CDKAL1: variants seen among roughly 807,000 people sequenced by gnomAD.
CDKAL1 encodes CDKAL1 threonylcarbamoyladenosine tRNA methylthiotransferase.
A neutral mutation model predicts 68.2 loss-of-function variants in CDKAL1; 32 were observed. The observed-to-expected ratio is 0.47, with a 90% CI of 0.35 to 0.63. CDKAL1 has a LOEUF of 0.63. Ranked by LOEUF, CDKAL1 falls within the 30% of genes least tolerant of loss-of-function variation. CDKAL1 has a pLI of 0.00. For missense variants in CDKAL1, 606 were observed against 696.7 expected (o/e 0.87, Z 1.47); for synonymous variants, 234 against 244.3 (o/e 0.96, Z 0.39).
intron 5 of CDKAL1, among the ~76,000 whole-genome samples, chr6:20,676,583 T>C (rs1770112474): frequency 6.6e-6 from 1 of 151,770 alleles, no homozygotes. Flanking sequence ...AGGAGAATGG[T>C]ATGAACCCGG....
intron 9 of CDKAL1, among the ~76,000 whole-genome samples, chr6:20,901,559 T>C (rs1274006987): frequency 6.6e-6 from 1 of 150,518 alleles, no homozygotes; most frequent in Non-Finnish European, 1.5e-5. Context: ...CGGGTGCCTG[T>C]AGTCCCAGCT....
At chr6:21,096,704 AAAT>A (rs1773336598) in intron 12 of CDKAL1, among the ~76,000 whole-genome samples, 4 of 151,854 alleles carry the variant, frequency 2.6e-5, no homozygotes, top group African/African-American at 9.7e-5. Context: ...GGTAAAAAAT[AAAT>A]AAATAAATAA....
intron 9 of CDKAL1, among the ~76,000 whole-genome samples, chr6:20,861,995 A>G (rs1039008782): frequency 2.0e-5 from 3 of 152,176 alleles, no homozygotes; most frequent in African/African-American, 7.2e-5. Context: ...TATTTTTTGT[A>G]TGATGTGTTA....
rs1245188733 is a variant in CDKAL1 at position 20,810,398 on chromosome 6, A to T, written c.638+29133A>T. Among the ~76,000 whole-genome samples, 72 of 6,236 alleles carry T rather than the reference A, an allele frequency of 0.012. No individual in the cohort carries two copies. In the East Asian group the frequency reaches 0.22, roughly 19 times the overall value. The allele number at this position is 6,236 out of a possible 152,430, so 4.1% of individuals were successfully genotyped here. ...CTCTCTCTCTCTCTCTCTGTCACAC[A>T]CACACACACACACACACACACACAC... is the stretch of plus-strand genomic sequence containing the variant. On this transcript the variant is annotated intron_variant, in intron 8 of 15. Transcript: ENST00000274695.
chr6:20,743,828 T>A (rs1367118309), intron 6 of CDKAL1, among the ~76,000 whole-genome samples: 4 of 152,184 alleles, frequency 2.6e-5, no homozygotes, highest in Non-Finnish European at 4.4e-5. Context: ...TGCACAAACC[T>A]GTCTAATTTC....
intron 6 of CDKAL1, among the ~76,000 whole-genome samples, chr6:20,757,346 A>G (rs1231731493): frequency 1.3e-5 from 2 of 152,172 alleles, no homozygotes; most frequent in African/African-American, 4.8e-5. Context: ...CAATAGAGGT[A>G]TGGATGCATG....
intron 9 of CDKAL1, among the ~76,000 whole-genome samples, chr6:20,946,345 G>A (rs910777209): frequency 6.6e-6 from 1 of 152,108 alleles, no homozygotes; most frequent in African/African-American, 2.4e-5. Context: ...CCTTTAGATA[G>A]CAAATCTGCA....
intron 13 of CDKAL1, among the ~76,000 whole-genome samples, chr6:21,144,478 C>T (rs1430858135): frequency 6.6e-6 from 1 of 151,982 alleles, no homozygotes; most frequent in African/African-American, 2.4e-5. Context: ...ACTGAATCAC[C>T]TGTTGGTCCT....
chr6:21,212,363 C>G (rs1779186251), intron 15 of CDKAL1, among the ~76,000 whole-genome samples: 1 of 152,180 alleles, frequency 6.6e-6, no homozygotes, highest in Non-Finnish European at 1.5e-5. Flanking sequence ...AGCCACTCAA[C>G]CTACTCTTTG....
intron 11 of CDKAL1, among the ~76,000 whole-genome samples, chr6:21,026,715 G>A (rs1233099600): frequency 1.3e-5 from 2 of 152,158 alleles, no homozygotes; most frequent in Admixed American, 1.3e-4. Context: ...GTGTAATGGA[G>A]ACTGCTTGTG....
chr6:21,190,959 A>G (rs1778212169), intron 13 of CDKAL1, among the ~76,000 whole-genome samples: 1 of 152,170 alleles, frequency 6.6e-6, no homozygotes, highest in Admixed American at 6.5e-5. Flanking sequence ...AAGTAAGAAG[A>G]AAAAAAAGTT....
chr6:21,193,856 T>G (rs1322293142), intron 13 of CDKAL1, among the ~76,000 whole-genome samples: 1 of 152,222 alleles, frequency 6.6e-6, no homozygotes, highest in Non-Finnish European at 1.5e-5. Context: ...TGCTGAACAA[T>G]TACATTGTGC....
At chr6:20,835,887 A>C (rs529143605) in intron 8 of CDKAL1, among the ~76,000 whole-genome samples, 1 of 152,176 alleles carries the variant, frequency 6.6e-6, no homozygotes, top group Admixed American at 6.5e-5. Context: ...ATATCTGAAA[A>C]ATGGAGCTTC....
At chr6:21,031,474 A>G (rs1201068828) in intron 11 of CDKAL1, among the ~76,000 whole-genome samples, 1 of 151,778 alleles carries the variant, frequency 6.6e-6, no homozygotes, top group African/African-American at 2.4e-5. Context: ...CAACACCTAC[A>G]TTCGGGTTTG....
intron 11 of CDKAL1, among the ~76,000 whole-genome samples, chr6:21,031,741 C>A (rs565359695): frequency 2.0e-5 from 3 of 152,040 alleles, no homozygotes; most frequent in Non-Finnish European, 4.4e-5. Context: ...CCCTTTACTT[C>A]GTGTGCTTTT....
chr6:21,002,345 A>T (rs571431656), intron 11 of CDKAL1, among the ~76,000 whole-genome samples: 8 of 152,162 alleles, frequency 5.3e-5, no homozygotes, highest in Non-Finnish European at 1.0e-4. Flanking sequence ...TGAAAATATT[A>T]GACATACCTG....
At chr6:21,046,854 C>T (rs1770263802) in intron 11 of CDKAL1, among the ~76,000 whole-genome samples, 1 of 152,156 alleles carries the variant, frequency 6.6e-6, no homozygotes, top group Non-Finnish European at 1.5e-5. Flanking sequence ...GAGACTTACA[C>T]CCTTCAAAAA....
At chr6:21,080,623 C>G (rs1385612592) in intron 12 of CDKAL1, among the ~76,000 whole-genome samples, 2 of 152,188 alleles carry the variant, frequency 1.3e-5, no homozygotes, top group Admixed American at 6.5e-5. Context: ...AATTTTCTAC[C>G]CTCTGAACCT....
chr6:21,005,255 A>G (rs141120033), intron 11 of CDKAL1, among the ~76,000 whole-genome samples: 29 of 152,296 alleles, frequency 1.9e-4, no homozygotes, highest in African/African-American at 7.0e-4. Context: ...GCAGCAGTGA[A>G]TGTATAGTCA....
Sources: gnomAD v4.1 joint callset for allele counts (sites outside exome capture counted in the v4.1 genomes callset) on GRCh38, gnomAD v4.1.1 for gene constraint, MANE v1.5 for transcripts, NCBI Gene and HGNC (gene_info 2026-07-23, HGNC 2026-07-21) for gene names.